Variants in NAALADL2 observed in about 807,000 individuals in gnomAD.
NAALADL2 encodes the protein N-acetylated alpha-linked acidic dipeptidase like 2.
NAALADL2 carries 76 observed loss-of-function variants against 87.2 expected under a neutral mutation model. That is an observed-to-expected ratio of 0.87 (90% CI 0.72 to 1.05). The LOEUF is 1.05. Among genes scored for constraint, NAALADL2 ranks in the 50% least tolerant of loss-of-function variants. The pLI, the probability that NAALADL2 is intolerant of heterozygous loss-of-function variation, is 0.00. For synonymous variants in NAALADL2, 354 were observed against 331.0 expected (o/e 1.07, Z -0.75); for missense variants, 1,089 against 945.8 (o/e 1.15, Z -1.99).
chr3:175,265,209 A>G (rs1472669732), intron 4 of NAALADL2, among the ~76,000 whole-genome samples: 3 of 151,720 alleles, frequency 2.0e-5, no homozygotes, highest in Non-Finnish European at 3.0e-5. Context: ...GTTGAAACTC[A>G]GGACTTCAAG....
intron 2 of NAALADL2, among the ~76,000 whole-genome samples, chr3:174,694,414 A>G (rs1295138115): frequency 2.0e-5 from 3 of 152,062 alleles, no homozygotes; most frequent in South Asian, 2.1e-4. Context: ...ATCTTTGCAT[A>G]CCTATTATGT....
At chr3:175,608,505 G>A (rs539848081) in intron 10 of NAALADL2, among the ~76,000 whole-genome samples, 1 of 151,926 alleles carries the variant, frequency 6.6e-6, no homozygotes, top group East Asian at 2.0e-4. Context: ...AGACACAGGA[G>A]GTACTTTTGT....
At chr3:175,380,336 G>A (rs1011331305) in intron 5 of NAALADL2, among the ~76,000 whole-genome samples, 4 of 152,188 alleles carry the variant, frequency 2.6e-5, no homozygotes, top group Admixed American at 1.3e-4. Context: ...CTGTGTGTTT[G>A]TTATATGTAT....
intron 1 of NAALADL2, among the ~76,000 whole-genome samples, chr3:174,946,546 C>A (rs1266209847): frequency 6.6e-6 from 1 of 152,086 alleles, no homozygotes; most frequent in Non-Finnish European, 1.5e-5. Flanking sequence ...TAGAACAGTG[C>A]ATGTTATAGT....
intron 1 of NAALADL2, among the ~76,000 whole-genome samples, chr3:174,927,368 T>A (rs1185644709): frequency 6.6e-6 from 1 of 152,144 alleles, no homozygotes; most frequent in Admixed American, 6.5e-5. Flanking sequence ...CTAATAGACA[T>A]CTACAGAACT....
chr3:174,517,857 T>A (rs1330387245), intron 1 of NAALADL2, among the ~76,000 whole-genome samples: 2 of 152,178 alleles, frequency 1.3e-5, no homozygotes, highest in Non-Finnish European at 2.9e-5. Context: ...AATGTCATTT[T>A]AAAATGTCAT....
At chr3:174,775,911 A>G (rs765128316) in intron 3 of NAALADL2, among the ~76,000 whole-genome samples, 4 of 152,172 alleles carry the variant, frequency 2.6e-5, no homozygotes, top group Non-Finnish European at 2.9e-5. Flanking sequence ...CGTAACAAAT[A>G]TGGCTAAAAT....
intron 1 of NAALADL2, among the ~76,000 whole-genome samples, chr3:174,507,221 C>T (rs1181353920): frequency 6.6e-6 from 1 of 152,084 alleles, no homozygotes; most frequent in Non-Finnish European, 1.5e-5. Context: ...GGCTAGTACC[C>T]TTAATGAATT....
intron 2 of NAALADL2, among the ~76,000 whole-genome samples, chr3:175,104,745 G>A (rs1722807094): frequency 6.6e-6 from 1 of 152,114 alleles, no homozygotes; most frequent in Non-Finnish European, 1.5e-5. Context: ...CAGTAATAGA[G>A]TGATGGCTCC....
intron 4 of NAALADL2, among the ~76,000 whole-genome samples, chr3:175,292,591 G>GAGACACACACAC (rs1560302143): frequency 2.3e-5 from 1 of 44,126 alleles, no homozygotes. Flanking sequence ...TGTGAGTTGG[G>GAGACACACACAC]ATACACACAC....
Position 174,964,128 on chromosome 3 carries a change from A to G in NAALADL2, c.43+104678A>G, listed in dbSNP as rs75009526. On this transcript the variant is annotated intron_variant, in intron 1 of 13. Coordinates refer to ENST00000454872, the MANE Select transcript of NAALADL2 (RefSeq NM_207015.3). ...TAAATGATTCAACCTTTCTTTCTTC[A>G]CATGTAATGAAATAGTTATTCATTT... is the stretch of plus-strand genomic sequence containing the variant. 7.5e-3 allele frequency among the ~76,000 whole-genome samples: 1,142 copies of G among 152,162 alleles called. 10 individuals carry two copies. The highest frequency in any genetic ancestry group is 0.027 in the African/African-American group (1,103 of 41,522).
chr3:175,470,445 A>G (rs1265768226), intron 8 of NAALADL2, among the ~76,000 whole-genome samples: 1 of 152,134 alleles, frequency 6.6e-6, no homozygotes, highest in South Asian at 2.1e-4. Context: ...ATAAATCATA[A>G]CATCACTTTG....
At chr3:174,866,080 T>G (rs1727107075) in intron 1 of NAALADL2, among the ~76,000 whole-genome samples, 1 of 151,888 alleles carries the variant, frequency 6.6e-6, no homozygotes, top group African/African-American at 2.4e-5. Context: ...AATAATAAAT[T>G]GTTTTTCACA....
At chr3:175,121,714 C>T (rs963606108) in intron 2 of NAALADL2, among the ~76,000 whole-genome samples, 4 of 151,862 alleles carry the variant, frequency 2.6e-5, no homozygotes, top group Non-Finnish European at 4.4e-5. Context: ...CCTCCCTATG[C>T]AGGTCCTCAT....
chr3:174,854,389 G>A (rs12185925), upstream of NAALADL2, among the ~76,000 whole-genome samples: 47,625 of 151,964 alleles, frequency 0.31, 7,718 homozygotes, highest in East Asian at 0.45. Context: ...GGGAAACCTA[G>A]TAGAGAGAAA....
chr3:175,063,868 T>C (rs1039118602), intron 1 of NAALADL2, among the ~76,000 whole-genome samples: 2 of 152,156 alleles, frequency 1.3e-5, no homozygotes, highest in Non-Finnish European at 2.9e-5. Flanking sequence ...GGCAACTACA[T>C]CCGTATTTGT....
chr3:175,439,731 C>CTTTTTTTTTTTTTTTTTTTTTTTT (rs535237866), intron 5 of NAALADL2, among the ~76,000 whole-genome samples: 3 of 113,784 alleles, frequency 2.6e-5, no homozygotes, highest in African/African-American at 3.6e-5. Flanking sequence ...GTTTTTTTTT[C>CTTTTTTTTTTTTTTTTTTTTTTTT]TTTTTTTTCT....
intron 11 of NAALADL2, among the ~76,000 whole-genome samples, chr3:175,642,591 T>C (rs1560902158): frequency 1.3e-5 from 2 of 151,708 alleles, no homozygotes; most frequent in East Asian, 1.9e-4. Context: ...AGCTCCACCT[T>C]CTGGGTTCAT....
At chr3:175,178,276 A>G (rs896311032) in intron 2 of NAALADL2, among the ~76,000 whole-genome samples, 9 of 152,036 alleles carry the variant, frequency 5.9e-5, no homozygotes, top group Admixed American at 2.0e-4. Flanking sequence ...TCTCATATAT[A>G]TGTGCATTTA....
Sources: allele counts gnomAD v4.1 joint callset (sites outside exome capture counted in the v4.1 genomes callset), GRCh38; gene constraint gnomAD v4.1.1; transcripts MANE v1.5; gene names NCBI Gene and HGNC (gene_info 2026-07-23, HGNC 2026-07-21).